MAP3K15: variants seen among roughly 807,000 people sequenced by gnomAD.
The protein encoded by MAP3K15 is MAPK/ERK kinase kinase 15.
In MAP3K15, 124 loss-of-function variants were observed where a neutral mutation model predicts 99.5. The observed-to-expected ratio is 1.25, with a 90% CI of 1.08 to 1.45. The LOEUF is 1.45. Ranked by LOEUF, MAP3K15 falls within the 40% of genes most tolerant of loss-of-function variation. MAP3K15 has a pLI of 0.00. For missense variants in MAP3K15, 1,242 were observed against 1,079.7 expected (o/e 1.15, Z -2.11); for synonymous variants, 494 against 439.6 (o/e 1.12, Z -1.55).
chrX:19,372,696 T>G lies in MAP3K15; in HGVS notation c.3065A>C (p.Glu1022Ala). The change falls in exon 22 of 29, where the codon GAG becomes GCG. Residue 1022 changes from glutamate to alanine, a missense_variant. Transcript: ENST00000338883. ...RAILYKILWE[E>A]QNQVASNLQE... ...CAGGTTGGAAGCCACCTGGTTCTGC[T>G]CCTCCCAGAGGATTTTGTACAGGAT... 8.3e-7 allele frequency: 1 copy of G among 1,211,001 alleles called. No individual in the cohort carries two copies. Among genetic ancestry groups the G allele is most frequent in the Middle Eastern group, 2.3e-4 (1 of 4,350 alleles).
At chrX:19,361,658 GGA>G (rs1375083448) in intron 26 of MAP3K15, 65 bp from the exon 27 acceptor site, 14 of 764,763 alleles carry the variant, frequency 1.8e-5, no homozygotes, top group African/African-American at 4.2e-5. Context: ...GTAACCAGTT[GGA>G]TTAATAAATG....
At chrX:19,503,441 T>G (rs2064454171) in intron 1 of MAP3K15, among the ~76,000 whole-genome samples, 1 of 112,023 alleles carries the variant, frequency 8.9e-6, no homozygotes, top group African/African-American at 3.2e-5. Flanking sequence ...CTTCTTGTTC[T>G]TTGAGACAGA....
At position 19,412,132 on chromosome X, in the gene MAP3K15, C is replaced by A. The variant is rs760786202; in HGVS notation, c.1698+1225G>T. Among the ~76,000 whole-genome samples the A allele has an allele frequency of 2.0e-4, 22 of 112,015 alleles. No homozygotes were observed. The East Asian group carries it at 6.0e-3, about 30-fold the overall frequency. ...AGAGTCTTGTCTAACCCACAGCCAC[C>A]TGCAGGAGGCTGCACATATACAGAA... is the stretch of plus-strand genomic sequence containing the variant. On this transcript the variant is annotated intron_variant, in intron 11 of 28. Transcript: ENST00000338883.
At chrX:19,479,773 T>C (rs2147388259) in intron 3 of MAP3K15, among the ~76,000 whole-genome samples, 1 of 112,057 alleles carries the variant, frequency 8.9e-6, no homozygotes, top group African/African-American at 3.2e-5. Flanking sequence ...AAACATGTTT[T>C]CTCTAAAGTG....
At chrX:19,415,009 C>G in intron 10 of MAP3K15, 98 bp downstream of exon 10, 1 of 745,660 alleles carries the variant, frequency 1.3e-6, no homozygotes, top group South Asian at 3.3e-5. Context: ...TAAAATTACT[C>G]TACAGTTTTC....
At position 19,380,250 on chromosome X, in the gene MAP3K15, A is replaced by G; in HGVS notation, c.2459T>C (p.Ile820Thr). The change falls in exon 19 of 29, where the codon ATA becomes ACA. Residue 820 changes from isoleucine (I) to threonine (T), a missense_variant. Transcript: ENST00000338883. Reference sequence around the variant, plus strand: ...ATATCCGCGAGGCCCTTGGTCAATTATCTCAGGTGCCATGTACTGCAGGGT... The same window carrying G: ...ATATCCGCGAGGCCCTTGGTCAATTGTCTCAGGTGCCATGTACTGCAGGGT... ...TGTLQYMAPE[I>T]IDQGPRGYGA... 2.5e-6 allele frequency: 3 copies of G among 1,209,053 alleles called. No homozygotes were observed. Among genetic ancestry groups the G allele is most frequent in the South Asian group, 3.6e-5 (2 of 56,319 alleles).
chrX:19,422,395 A>G (rs937057425), intron 9 of MAP3K15, among the ~76,000 whole-genome samples: 4 of 112,193 alleles, frequency 3.6e-5, no homozygotes, highest in East Asian at 5.5e-4. Flanking sequence ...CTTCTCAAAA[A>G]AAGACATTTA....
Position 19,361,096 on chromosome X carries a change from G to A in MAP3K15, c.3857+243C>T, listed in dbSNP as rs1203864269. On this transcript the variant is annotated intron_variant, in intron 28 of 28. Transcript: ENST00000338883. ...TCCAGCGTGCAGGCACGCTTGCCAT[G>A]TGCCTCCACCCACTCCCAGCCAGGC... The A allele has an allele frequency of 1.5e-4, 61 of 418,839 alleles. No homozygotes were observed. The South Asian group carries it at 2.2e-3, about 15-fold the overall frequency. 34.5% of individuals were successfully genotyped at this position (418,839 alleles called of 1,213,427 possible).
rs904855601 is a variant in MAP3K15 at position 19,431,645 on chromosome X, A to G, written c.996-37T>C. 1.7e-5 allele frequency: 19 copies of G among 1,143,858 alleles called. No homozygotes were observed. In the African/African-American group the frequency reaches 1.8e-4, roughly 11 times the overall value. 94.3% of individuals were successfully genotyped at this position (1,143,858 alleles called of 1,213,427 possible). A position where few individuals can be genotyped will look rare whatever the true frequency, so the allele number is the denominator to read the frequency against. On this transcript the variant is annotated intron_variant, in intron 6 of 28. Coordinates refer to ENST00000338883, the MANE Select transcript of MAP3K15 (RefSeq NM_001001671.4). ...ATGTTATAAGGTCACAAATGAATCA[A>G]TCAAGACAATGGAGTAGAGGCCAGG...
intron 25 of MAP3K15, among the ~76,000 whole-genome samples, chrX:19,366,920 A>G (rs2063338572): frequency 8.9e-6 from 1 of 111,863 alleles, no homozygotes; most frequent in Admixed American, 9.5e-5. Flanking sequence ...CTTCAAACCC[A>G]TATATAATCA....
At chrX:19,384,803 A>C (rs2147236440) in intron 18 of MAP3K15, among the ~76,000 whole-genome samples, 1 of 108,520 alleles carries the variant, frequency 9.2e-6, no homozygotes, top group African/African-American at 3.3e-5. Context: ...AAAAACTGAA[A>C]AGAGCATAAC....
At chrX:19,361,741 A>G in intron 26 of MAP3K15, 148 bp from the exon 27 acceptor site, 1 of 398,298 alleles carries the variant, frequency 2.5e-6, no homozygotes, top group Non-Finnish European at 4.3e-6. Context: ...GCTAATACGT[A>G]TTACACAATT....
rs141527569 is a variant in MAP3K15, at chrX:19,395,118, G to A, written c.2157C>T (p.Asn719=). 4.2e-4 allele frequency: 509 copies of A among 1,205,992 alleles called. 1 individual carries two copies. In the South Asian group the frequency reaches 6.1e-3, roughly 15 times the overall value. The change falls in exon 16 of 29, where the codon AAC becomes AAT. Residue 719 remains asparagine, a synonymous_variant. Coordinates refer to ENST00000338883, the MANE Select transcript of MAP3K15 (RefSeq NM_001001671.4). The part of the protein sequence containing the change: ...IVQYLGSVSE[N]GYIKIFMEQV... ...GCTCCATAAATATCTTAATGTAGCC[G>A]TTCTCTGAAACAGAGCCCAGGTACT... is the stretch of plus-strand genomic sequence containing the variant.
At chrX:19,446,396 C>T (rs1460641024) in intron 6 of MAP3K15, among the ~76,000 whole-genome samples, 1 of 111,732 alleles carries the variant, frequency 8.9e-6, no homozygotes, top group East Asian at 2.8e-4. Context: ...TATTCAAAAT[C>T]ATCTGGTCCA....
chrX:19,391,547 C>T (rs1312536166), intron 18 of MAP3K15, among the ~76,000 whole-genome samples: 2 of 106,934 alleles, frequency 1.9e-5, no homozygotes, highest in Non-Finnish European at 1.9e-5. Context: ...GTAGGGGGCG[C>T]GCCTATAATC....
intron 1 of MAP3K15, among the ~76,000 whole-genome samples, chrX:19,501,253 T>C (rs2064438536): frequency 8.9e-6 from 1 of 112,103 alleles, no homozygotes; most frequent in South Asian, 3.7e-4. Context: ...CAACGCCATC[T>C]TTAATCGCCT....
intron 3 of MAP3K15, among the ~76,000 whole-genome samples, chrX:19,465,676 C>A (rs1233360486): frequency 9.1e-6 from 1 of 110,324 alleles, no homozygotes; most frequent in Non-Finnish European, 1.9e-5. Flanking sequence ...ATCACTTGAA[C>A]CCAGGAGGCG....
chrX:19,428,652 C>A (rs937128380), intron 7 of MAP3K15, among the ~76,000 whole-genome samples: 5 of 111,889 alleles, frequency 4.5e-5, no homozygotes, highest in Non-Finnish European at 7.5e-5. Context: ...CACCTAGATA[C>A]TTGAGATATG....
At chrX:19,424,548 C>T (rs764170282) in intron 9 of MAP3K15, among the ~76,000 whole-genome samples, 1 of 111,164 alleles carries the variant, frequency 9.0e-6, no homozygotes, top group South Asian at 3.8e-4. Context: ...GCAGCAGCAG[C>T]TTGTAATTTG....
Sources: gnomAD v4.1 joint callset for allele counts (sites outside exome capture counted in the v4.1 genomes callset) on GRCh38, gnomAD v4.1.1 for gene constraint, MANE v1.5 for transcripts, NCBI Gene and HGNC (gene_info 2026-07-23, HGNC 2026-07-21) for gene names.